TMEM116: variants seen among roughly 807,000 people sequenced by gnomAD.
TMEM116 encodes transmembrane protein 116.
Under a neutral mutation model 44.3 loss-of-function variants are expected in TMEM116, and 38 were observed. The observed-to-expected ratio is 0.86, with a 90% CI of 0.66 to 1.12. TMEM116 has a LOEUF of 1.12. TMEM116 is among the 50% of genes most tolerant of loss of function. The pLI is 0.00. For missense variants in TMEM116, 354 were observed against 401.7 expected (o/e 0.88, Z 1.01); for synonymous variants, 132 against 144.8 (o/e 0.91, Z 0.64).
chr12:111,932,478 A>T, intron 10 of TMEM116, 108 bp downstream of exon 10: 1 of 877,670 alleles, frequency 1.1e-6, no homozygotes, highest in Non-Finnish European at 1.9e-6. Context: ...CTCTTTTGCA[A>T]TGTAGAAGTA....
intron 1 of TMEM116, among the ~76,000 whole-genome samples, chr12:112,008,004 A>AT (rs1195483797): frequency 2.6e-5 from 4 of 152,166 alleles, no homozygotes; most frequent in Non-Finnish European, 5.9e-5. Flanking sequence ...GAAGTAGGTG[A>AT]TATTTATTTT....
intron 3 of TMEM116, among the ~76,000 whole-genome samples, chr12:111,995,095 G>C (rs996303834): frequency 1.3e-5 from 2 of 152,094 alleles, no homozygotes; most frequent in African/African-American, 4.8e-5. Context: ...GCCAAACCTT[G>C]CATTGTCTTT....
At chr12:111,968,266 C>G (rs1229456761) in intron 4 of TMEM116, among the ~76,000 whole-genome samples, 1 of 152,054 alleles carries the variant, frequency 6.6e-6, no homozygotes, top group Admixed American at 6.6e-5. Context: ...ACTAGAAAAA[C>G]TGATAATTCA....
chr12:111,957,273 G>C (rs1355921880), intron 4 of TMEM116, among the ~76,000 whole-genome samples: 1 of 151,396 alleles, frequency 6.6e-6, no homozygotes, highest in Non-Finnish European at 1.5e-5. Context: ...GCCTCTGCCC[G>C]GCCATGATCC....
At chr12:111,957,758 ACC>A (rs2074259054) in intron 4 of TMEM116, among the ~76,000 whole-genome samples, 2 of 151,808 alleles carry the variant, frequency 1.3e-5, no homozygotes, top group African/African-American at 2.4e-5. Flanking sequence ...CCCGGCCACC[ACC>A]CCGTCTGGGA....
chr12:111,939,366 T>C (rs1165898109), intron 5 of TMEM116, among the ~76,000 whole-genome samples: 1 of 150,724 alleles, frequency 6.6e-6, no homozygotes, highest in East Asian at 2.0e-4. Context: ...GGCAAGAGAA[T>C]TGCTTGAACC....
intron 1 of TMEM116, chr12:112,011,920 G>C (rs2077858810): frequency 6.6e-6 from 1 of 152,170 alleles, no homozygotes. Context: ...GCTGACCTGG[G>C]TGCTGTTTCT....
At chr12:112,000,969 T>A (rs947621357) in intron 3 of TMEM116, 101 of 343,230 alleles carry the variant, frequency 2.9e-4, no homozygotes, top group South Asian at 2.2e-3. Flanking sequence ...CAGCAGTCAG[T>A]ACAAGGTAAA....
intron 4 of TMEM116, among the ~76,000 whole-genome samples, chr12:111,962,439 A>G (rs922285779): frequency 6.6e-6 from 1 of 152,206 alleles, no homozygotes; most frequent in Non-Finnish European, 1.5e-5. Flanking sequence ...AGTAACAAAA[A>G]CAGCATGGTA....
chr12:111,952,352 C>T (rs946619681), intron 4 of TMEM116, among the ~76,000 whole-genome samples: 8 of 152,166 alleles, frequency 5.3e-5, no homozygotes, highest in African/African-American at 1.4e-4. Flanking sequence ...TGAACAACAA[C>T]AATAACAAAA....
intron 4 of TMEM116, among the ~76,000 whole-genome samples, chr12:111,974,033 T>C (rs759925451): frequency 3.9e-5 from 6 of 152,052 alleles, no homozygotes; most frequent in Admixed American, 1.3e-4. Flanking sequence ...AGTAAATCAA[T>C]TTAAATCATC....
chr12:111,994,021 T>A (rs373844165), intron 3 of TMEM116: 1 of 574,550 alleles, frequency 1.7e-6, no homozygotes, highest in East Asian at 3.8e-5. Context: ...TCCCCCAAGA[T>A]GCCAGAATCT....
intron 5 of TMEM116, among the ~76,000 whole-genome samples, chr12:111,939,880 CTGTGTG>C (rs61322648): frequency 0.14 from 18,089 of 130,120 alleles, 1,257 homozygotes; most frequent in African/African-American, 0.22. Flanking sequence ...CTTCAAAGCT[CTGTGTG>C]TGTGTGTGTG....
At chr12:111,933,810 TAGTG>T in intron 9 of TMEM116, 72 bp downstream of exon 9, 1 of 1,576,120 alleles carries the variant, frequency 6.3e-7, no homozygotes. Flanking sequence ...CCATCCTTCT[TAGTG>T]AGACCACTTT....
At chr12:112,009,659 G>A (rs1197937908) in intron 1 of TMEM116, among the ~76,000 whole-genome samples, 1 of 150,992 alleles carries the variant, frequency 6.6e-6, no homozygotes, top group Admixed American at 6.6e-5. Flanking sequence ...CCAACATGGT[G>A]AAACCCCATC....
intron 4 of TMEM116, chr12:111,965,718 A>G (rs2074931283): frequency 2.5e-6 from 1 of 394,294 alleles, no homozygotes; most frequent in Non-Finnish European, 5.0e-6. Context: ...GAGGTCAGGC[A>G]TTCAGGACCA....
intron 4 of TMEM116, among the ~76,000 whole-genome samples, chr12:111,991,348 C>A (rs1365493669): frequency 6.6e-6 from 1 of 150,958 alleles, no homozygotes; most frequent in Non-Finnish European, 1.5e-5. Flanking sequence ...CGGTGAAACC[C>A]CGTCTCTACT....
intron 3 of TMEM116, among the ~76,000 whole-genome samples, chr12:111,996,990 A>G (rs768088587): frequency 2.0e-5 from 3 of 152,232 alleles, no homozygotes; most frequent in African/African-American, 2.4e-5. Flanking sequence ...GCAAAACCAA[A>G]TTGTTTAAAC....
intron 4 of TMEM116, among the ~76,000 whole-genome samples, chr12:111,987,572 C>T (rs1488296983): frequency 1.3e-5 from 2 of 150,774 alleles, no homozygotes; most frequent in African/African-American, 2.4e-5. Flanking sequence ...ATATAAATGG[C>T]CAATAAGCAC....
Sources: gnomAD v4.1 joint callset for allele counts (sites outside exome capture counted in the v4.1 genomes callset) on GRCh38, gnomAD v4.1.1 for gene constraint, MANE v1.5 for transcripts, NCBI Gene and HGNC (gene_info 2026-07-23, HGNC 2026-07-21) for gene names.